Variants in DHX9 observed in about 807,000 individuals in gnomAD.
DHX9 encodes ATP-dependent RNA helicase A.
Under a neutral mutation model 148.7 loss-of-function variants are expected in DHX9, and 27 were observed. The observed-to-expected ratio is 0.18, with a 90% CI of 0.13 to 0.25. The LOEUF (loss-of-function observed/expected upper bound fraction) is 0.25. DHX9 is among the 10% of genes least tolerant of loss of function. The pLI is 1.00. For missense variants in DHX9, 796 were observed against 1,559.6 expected (o/e 0.51, Z 8.25); for synonymous variants, 529 against 516.6 (o/e 1.02, Z -0.33).
intron 11 of DHX9, among the ~76,000 whole-genome samples, chr1:182,859,409 G>A (rs557181740): frequency 6.6e-6 from 1 of 152,126 alleles, no homozygotes; most frequent in Non-Finnish European, 1.5e-5. Context: ...AAATTAAAAT[G>A]TTAAAAAGAA....
chr1:182,839,913 G>A (rs1403455908), intron 1 of DHX9: 1 of 152,320 alleles, frequency 6.6e-6, no homozygotes, highest in East Asian at 1.9e-4. Flanking sequence ...TAAAGGGAGA[G>A]CGCCTTTGGC....
intron 21 of DHX9, among the ~76,000 whole-genome samples, chr1:182,879,736 G>GT (rs776386324): frequency 6.6e-6 from 1 of 151,738 alleles, no homozygotes; most frequent in African/African-American, 2.4e-5. Context: ...AACTTTTTTT[G>GT]TTTTTTTGAG....
At chr1:182,880,709 ATCC>A in intron 22 of DHX9, 101 bp downstream of exon 22, 1 of 717,644 alleles carries the variant, frequency 1.4e-6, no homozygotes, top group Non-Finnish European at 2.3e-6. Context: ...CAAAAAAAAA[ATCC>A]TAAATGTTCT....
chr1:182,887,594 C>G lies in DHX9; in HGVS notation c.*160C>G. ...TTTAAGGAAACCAAGCATATAGATG[C>G]ATTAGTGATTTTGTTTATATTATGT... is the stretch of plus-strand genomic sequence containing the variant. On this transcript the variant is annotated 3_prime_UTR_variant, in exon 28 of 28. Coordinates refer to ENST00000367549, the MANE Select transcript of DHX9 (RefSeq NM_001357.5). The G allele has an allele frequency of 3.3e-6, 2 of 606,344 alleles. No homozygotes were observed. Among genetic ancestry groups the G allele is most frequent in the South Asian group, 2.3e-5 (1 of 42,942 alleles). The allele number at this position is 606,344 out of a possible 1,614,324, so 37.6% of individuals were successfully genotyped here.
At chr1:182,844,492 T>TGCC (rs1303452908) in intron 3 of DHX9, among the ~76,000 whole-genome samples, 1 of 152,216 alleles carries the variant, frequency 6.6e-6, no homozygotes, top group Non-Finnish European at 1.5e-5. Flanking sequence ...TGTGGGTGTG[T>TGCC]GCCGCTACAC....
rs776792799 is a variant in DHX9, at chr1:182,852,362, A to G, written c.364+18A>G. ...CAAAGCAGGTAAGGGACTTGAATCC[A>G]TGCACGTGGTGGAGAATAAGATATA... On this transcript the variant is annotated intron_variant, in intron 4 of 27. Coordinates refer to ENST00000367549, the MANE Select transcript of DHX9 (RefSeq NM_001357.5). 4 of 1,537,918 alleles carry G rather than the reference A, an allele frequency of 2.6e-6. No homozygotes were observed. The Admixed American group carries it at 7.2e-5, about 28-fold the overall frequency.
chr1:182,842,770 T>A, intron 2 of DHX9, 93 bp downstream of exon 2: 15 of 916,632 alleles, frequency 1.6e-5, no homozygotes, highest in Non-Finnish European at 2.3e-5. Flanking sequence ...GTTAATGTGT[T>A]GCACATTAGG....
intron 24 of DHX9, among the ~76,000 whole-genome samples, chr1:182,882,028 A>G (rs555854361): frequency 6.6e-6 from 1 of 152,354 alleles, no homozygotes; most frequent in East Asian, 1.9e-4. Flanking sequence ...AAAATATAGA[A>G]TTACTTCCTA....
Position 182,876,192 on chromosome 1 carries a change from T to G in DHX9, c.1958T>G (p.Val653Gly). 3 of 1,614,012 alleles carry G rather than the reference T, an allele frequency of 1.9e-6. No homozygotes were observed. Among genetic ancestry groups the G allele is most frequent in the Non-Finnish European group, 2.5e-6 (3 of 1,179,882 alleles). ...YIETLNVPGA[V>G]LVFLPGWNLI... ...GAAACCCTTAATGTTCCTGGAGCTGTGTTGGTTTTTTTGCCTGGCTGGAAT... is the reference window on the plus strand; with the variant it reads ...GAAACCCTTAATGTTCCTGGAGCTGGGTTGGTTTTTTTGCCTGGCTGGAAT... The change falls in exon 17 of 28, where the codon GTG (valine) becomes GGG (glycine). Residue 653 changes from valine (V) to glycine (G), a missense_variant. Physicochemically the swap from Val to Gly is moderately radical, Grantham distance 109. This residue lies in a region of DHX9 where 133 missense variants were observed against 223.8 expected (regional missense o/e 0.59). Transcript: ENST00000367549.
chr1:182,885,889 G>C (rs918349535), intron 27 of DHX9, among the ~76,000 whole-genome samples: 7 of 152,246 alleles, frequency 4.6e-5, no homozygotes, highest in Non-Finnish European at 7.3e-5. Context: ...TAGGAGAAGA[G>C]AGATTATTTT....
chr1:182,871,785 A>G (rs1402177365), intron 14 of DHX9, among the ~76,000 whole-genome samples: 2 of 152,234 alleles, frequency 1.3e-5, no homozygotes, highest in Non-Finnish European at 2.9e-5. Context: ...ATGCATTCCC[A>G]TAAAGTAAGT....
rs143056951 is a variant in DHX9, at chr1:182,859,423, G to A, written c.1140+306G>A. The stretch of plus-strand genomic sequence containing the variant: ...AAAATTAAAATGTTAAAAAGAATGC[G>A]TGTGCGACTTTCAGGGACAATGAGA... On this transcript the variant is annotated intron_variant, in intron 11 of 27. Transcript: ENST00000367549. 3.0e-3 allele frequency among the ~76,000 whole-genome samples: 457 copies of A among 152,258 alleles called. 1 individual carries two copies. Among genetic ancestry groups the A allele is most frequent in the Non-Finnish European group, 4.8e-3 (326 of 68,026 alleles).
chr1:182,865,003 C>G (rs1023330205), intron 12 of DHX9, among the ~76,000 whole-genome samples: 1 of 152,134 alleles, frequency 6.6e-6, no homozygotes, highest in Non-Finnish European at 1.5e-5. Flanking sequence ...AGCATGTGAA[C>G]ACACCTCAGA....
At chr1:182,885,449 A>G (rs767939011) in intron 27 of DHX9, among the ~76,000 whole-genome samples, 11 of 152,342 alleles carry the variant, frequency 7.2e-5, no homozygotes, top group Admixed American at 3.3e-4. Flanking sequence ...GTGATGAAGT[A>G]GCAGGCATTA....
At chr1:182,880,379 C>T (rs1649032850) in intron 21 of DHX9, 118 bp from the exon 22 acceptor site, 14 of 589,778 alleles carry the variant, frequency 2.4e-5, no homozygotes, top group Non-Finnish European at 3.9e-5. Context: ...ATGGTATTAG[C>T]GATTGGCTTG....
At chr1:182,843,462 AT>A in intron 3 of DHX9, 28 bp downstream of exon 3, 1 of 1,536,990 alleles carries the variant, frequency 6.5e-7, no homozygotes, top group Non-Finnish European at 8.7e-7. Flanking sequence ...AGCACTTGAG[AT>A]GTATGTTGTA....
chr1:182,840,225 T>C (rs769080261), intron 1 of DHX9, among the ~76,000 whole-genome samples: 2 of 151,762 alleles, frequency 1.3e-5, no homozygotes, highest in Admixed American at 6.6e-5. Context: ...AGGGGACGTA[T>C]TTTGAAGCAG....
intron 26 of DHX9, 73 bp from the exon 27 acceptor site, chr1:182,884,540 G>A: frequency 7.8e-7 from 1 of 1,288,478 alleles, no homozygotes; most frequent in Non-Finnish European, 1.1e-6. Flanking sequence ...TGTGCCATGT[G>A]TGAAGTTGAG....
At chr1:182,853,526 T>A (rs1005609200) in intron 5 of DHX9, 108 bp downstream of exon 5, 4 of 779,052 alleles carry the variant, frequency 5.1e-6, no homozygotes, top group Admixed American at 5.7e-5. Context: ...GTGCATCTTT[T>A]AAGAGGTTAT....
Sources: gnomAD v4.1 joint callset for allele counts (sites outside exome capture counted in the v4.1 genomes callset) on GRCh38, gnomAD v4.1.1 for gene constraint, gnomAD v4.1.1 regional missense constraint, MANE v1.5 for transcripts, NCBI Gene and HGNC (gene_info 2026-07-23, HGNC 2026-07-21) for gene names.